Variants in AGAP1 observed in about 807,000 individuals in gnomAD.
The protein encoded by AGAP1 is arf-GAP with GTPase, ANK repeat and PH domain-containing protein 1.
In AGAP1, 29 loss-of-function variants were observed where a neutral mutation model predicts 105.3. The ratio of observed to expected loss-of-function variants is 0.28; its 90% CI spans 0.21 to 0.38. The LOEUF (loss-of-function observed/expected upper bound fraction) is 0.38, where lower values mean the gene tolerates loss of function less well. AGAP1 is among the 10% of genes least tolerant of loss of function. The pLI is 1.00. For synonymous variants in AGAP1, 509 were observed against 485.9 expected (o/e 1.05, Z -0.63); for missense variants, 998 against 1,165.1 (o/e 0.86, Z 2.09).
At position 235,830,873 on chromosome 2, in the gene AGAP1, A is replaced by G. The variant is rs1348670049; in HGVS notation, c.1050+23542A>G. Among the ~76,000 whole-genome samples, 13 of 152,194 alleles carry G rather than the reference A, an allele frequency of 8.5e-5. No individual in the cohort carries two copies. The highest frequency in any genetic ancestry group is 1.5e-5 in the Non-Finnish European group (1 of 68,034). ...GTAGTCAACTCCTAACTAATAGAGT[A>G]GTTATTAGCTGGTTAGTTGTCTGCA... On this transcript the variant is annotated intron_variant, in intron 9 of 17. Coordinates refer to ENST00000304032, the MANE Select transcript of AGAP1 (RefSeq NM_001037131.3). The surrounding 1 kb of genome is among the most constrained non-coding windows in gnomAD (Gnocchi z 5.5).
At chr2:235,667,777 G>T (rs1333015364) in intron 1 of AGAP1, among the ~76,000 whole-genome samples, 1 of 151,840 alleles carries the variant, frequency 6.6e-6, no homozygotes, top group African/African-American at 2.4e-5. Flanking sequence ...TGACCAACAT[G>T]GTGAAACCCC....
rs908680820 is a variant in AGAP1 at position 236,012,289 on chromosome 2, C to T, written c.1646-24272C>T. ...CTGCACTCGGGCACCCCTCCCCTCC[C>T]GAGGGGTGCCCAGCCTCCATTCTGC... On this transcript the variant is annotated intron_variant, in intron 13 of 17. Coordinates refer to ENST00000304032, the MANE Select transcript of AGAP1 (RefSeq NM_001037131.3). This position sits in a 1 kb window ranked among gnomAD's most constrained non-coding sequence, Gnocchi z 4.9. 2.0e-5 allele frequency among the ~76,000 whole-genome samples: 3 copies of T among 151,922 alleles called. No individual in the cohort carries two copies. Among genetic ancestry groups the T allele is most frequent in the Non-Finnish European group, 2.9e-5 (2 of 67,968 alleles).
chr2:235,954,984 T>G (rs2125282555), intron 12 of AGAP1, among the ~76,000 whole-genome samples: 1 of 152,010 alleles, frequency 6.6e-6, no homozygotes, highest in South Asian at 2.1e-4. Flanking sequence ...GAGGGTAGAG[T>G]TGCCTTAGTC....
intron 1 of AGAP1, among the ~76,000 whole-genome samples, chr2:235,558,123 C>T (rs1163866706): frequency 7.2e-5 from 11 of 152,104 alleles, no homozygotes; most frequent in Non-Finnish European, 1.3e-4. Context: ...GTGGAAGGGG[C>T]CTTTCTGTGT....
chr2:236,088,060 T>A (rs1428014891), intron 16 of AGAP1, among the ~76,000 whole-genome samples: 1 of 152,158 alleles, frequency 6.6e-6, no homozygotes, highest in Admixed American at 6.5e-5. Flanking sequence ...ACCCTCAGTC[T>A]CCACGATGGT....
At position 235,866,558 on chromosome 2, in the gene AGAP1, G is replaced by T. The variant is rs963323617; in HGVS notation, c.1051-16787G>T. 2.0e-5 allele frequency among the ~76,000 whole-genome samples: 3 copies of T among 152,226 alleles called. No individual in the cohort carries two copies. The highest frequency in any genetic ancestry group is 6.5e-5 in the Admixed American group (1 of 15,290). ...GCTGGGTGCCATCAGTGTGCTGGAG[G>T]GGGAAGGGGGAGACAGCATTTCTCT... On this transcript the variant is annotated intron_variant, in intron 9 of 17. Coordinates refer to ENST00000304032, the MANE Select transcript of AGAP1 (RefSeq NM_001037131.3). The surrounding 1 kb of genome is among the most constrained non-coding windows in gnomAD (Gnocchi z 6.1).
intron 1 of AGAP1, among the ~76,000 whole-genome samples, chr2:235,537,240 G>T (rs1440232201): frequency 6.6e-6 from 1 of 152,230 alleles, no homozygotes; most frequent in Non-Finnish European, 1.5e-5. Flanking sequence ...ATGTGTGTGG[G>T]TGCAGGGGCA....
At chr2:235,731,157 T>G (rs1417460852) in intron 3 of AGAP1, among the ~76,000 whole-genome samples, 1 of 152,216 alleles carries the variant, frequency 6.6e-6, no homozygotes, top group Non-Finnish European at 1.5e-5. Flanking sequence ...GACCAAGATG[T>G]TCTTGACCTG....
chr2:235,504,826 C>G (rs781673685), intron 1 of AGAP1, among the ~76,000 whole-genome samples: 1 of 152,194 alleles, frequency 6.6e-6, no homozygotes, highest in Non-Finnish European at 1.5e-5. Context: ...GTTTGCATGG[C>G]TAATGCATTT....
chr2:235,698,104 G>A (rs569935732), intron 1 of AGAP1, among the ~76,000 whole-genome samples: 1 of 152,224 alleles, frequency 6.6e-6, no homozygotes, highest in East Asian at 1.9e-4. Context: ...AGATCATCAG[G>A]CATTAGATTC....
chr2:236,074,868 C>A (rs574988092), intron 16 of AGAP1, among the ~76,000 whole-genome samples: 2 of 152,134 alleles, frequency 1.3e-5, no homozygotes, highest in Non-Finnish European at 2.9e-5. Flanking sequence ...CAGCCTGGAC[C>A]GCATGGCAAA....
chr2:235,862,309 T>A (rs2048959282), intron 9 of AGAP1, among the ~76,000 whole-genome samples: 1 of 152,232 alleles, frequency 6.6e-6, no homozygotes. Context: ...AGTAAGGAGT[T>A]ATTGCCAGTA....
intron 13 of AGAP1, among the ~76,000 whole-genome samples, chr2:235,990,164 T>C (rs2055500004): frequency 6.6e-6 from 1 of 152,202 alleles, no homozygotes; most frequent in Admixed American, 6.5e-5. Flanking sequence ...TTAAATCAAA[T>C]TGCAGAAAAA....
intron 16 of AGAP1, chr2:236,049,675 C>CCT (rs2057837320): frequency 1.3e-5 from 2 of 155,600 alleles, no homozygotes; most frequent in African/African-American, 4.9e-5. Context: ...CTGTCGATCC[C>CCT]CCCCCCGCAC....
Position 235,551,795 on chromosome 2 carries a change from T to C in AGAP1, c.163+56946T>C, listed in dbSNP as rs561235872. On this transcript the variant is annotated intron_variant, in intron 1 of 17. Coordinates refer to ENST00000304032, the MANE Select transcript of AGAP1 (RefSeq NM_001037131.3). The surrounding 1 kb of genome is among the most constrained non-coding windows in gnomAD (Gnocchi z 4.8). ...TACCTTTGCTCTTCACCTTGACTGGTAGATCCTGAAGGCGTAGAAAGAGGG... is the reference window on the plus strand; with the variant it reads ...TACCTTTGCTCTTCACCTTGACTGGCAGATCCTGAAGGCGTAGAAAGAGGG... Among the ~76,000 whole-genome samples the C allele has an allele frequency of 3.3e-5, 5 of 152,238 alleles. No homozygotes were observed. The East Asian group carries it at 9.7e-4, about 29-fold the overall frequency.
chr2:235,966,587 A>G (rs568175500), intron 12 of AGAP1, among the ~76,000 whole-genome samples: 57 of 152,018 alleles, frequency 3.7e-4, no homozygotes, highest in Admixed American at 9.2e-4. Context: ...ATTTCTCGCA[A>G]CTCCTTAAAG....
rs773207817 is a variant in AGAP1, at chr2:236,009,232, G to C, written c.1646-27329G>C. ...CAGAACATTTACACCGTCTTGTTGA[G>C]CAAATGAACGTTCAAATGGCCAGCA... is the stretch of plus-strand genomic sequence containing the variant. On this transcript the variant is annotated intron_variant, in intron 13 of 17. Transcript: ENST00000304032. This position sits in a 1 kb window ranked among gnomAD's most constrained non-coding sequence, Gnocchi z 4.2. 4.6e-5 allele frequency among the ~76,000 whole-genome samples: 7 copies of C among 152,322 alleles called. No homozygotes were observed. The highest frequency in any genetic ancestry group is 2.1e-4 in the South Asian group (1 of 4,822).
intron 13 of AGAP1, among the ~76,000 whole-genome samples, chr2:236,025,535 T>C (rs1559203095): frequency 6.6e-6 from 1 of 152,124 alleles, no homozygotes; most frequent in Non-Finnish European, 1.5e-5. Context: ...GGTCCAAAAA[T>C]CTATTCACTG....
At chr2:235,759,358 A>G (rs1453817366) in intron 6 of AGAP1, among the ~76,000 whole-genome samples, 3 of 149,552 alleles carry the variant, frequency 2.0e-5, no homozygotes, top group Admixed American at 6.7e-5. Flanking sequence ...TTTAGTAGAG[A>G]CGGGCTTTCA....
Sources: allele counts gnomAD v4.1 joint callset (sites outside exome capture counted in the v4.1 genomes callset), GRCh38; gene constraint gnomAD v4.1.1; non-coding constraint Gnocchi (gnomAD v3.1); transcripts MANE v1.5; gene names NCBI Gene and HGNC (gene_info 2026-07-23, HGNC 2026-07-21).